The following COLEC12 variants were observed in gnomAD, a reference collection of about 807,000 sequenced individuals.
The protein encoded by COLEC12 is collectin subfamily member 12.
A neutral mutation model predicts 71.1 loss-of-function variants in COLEC12; 33 were observed. The observed-to-expected ratio is 0.46, with a 90% CI of 0.35 to 0.62. The LOEUF is 0.62. COLEC12 is among the 20% of genes least tolerant of loss of function. The pLI, the probability that COLEC12 is intolerant of heterozygous loss-of-function variation, is 0.00. For synonymous variants in COLEC12, 350 were observed against 353.0 expected (o/e 0.99, Z 0.10); for missense variants, 765 against 916.1 (o/e 0.84, Z 2.13).
chr18:442,001 C>A (rs74460894), intron 2 of COLEC12, among the ~76,000 whole-genome samples: 1,254 of 68,488 alleles, frequency 0.018, 5 homozygotes, highest in Middle Eastern at 0.032. Flanking sequence ...CTCTCTCTCT[C>A]TACACACACA....
chr18:469,827 A>G (rs1454770236), intron 2 of COLEC12, among the ~76,000 whole-genome samples: 1 of 152,170 alleles, frequency 6.6e-6, no homozygotes, highest in East Asian at 1.9e-4. Flanking sequence ...ATGAGGCCTC[A>G]CTGCCAGCAT....
rs747466763 is a variant in COLEC12, at chr18:469,692, G to GT, written c.58+11014dup. Among the ~76,000 whole-genome samples, 9 of 152,190 alleles carry GT rather than the reference G, an allele frequency of 5.9e-5. No individual in the cohort carries two copies. In the East Asian group the frequency reaches 9.7e-4, roughly 16 times the overall value. On this transcript the variant is annotated intron_variant, in intron 2 of 9. Coordinates refer to ENST00000400256, the MANE Select transcript of COLEC12 (RefSeq NM_130386.3). ...TCCCCCGCCCCCAACTGTTTTACTG[G>GT]TTTTTTACTCACACCTGCAGAATTT...
intron 2 of COLEC12, among the ~76,000 whole-genome samples, chr18:429,045 GTGAGAC>G (rs1001147137): frequency 2.0e-5 from 3 of 152,178 alleles, no homozygotes; most frequent in African/African-American, 7.2e-5. Context: ...TAACACACAA[GTGAGAC>G]TTTTAATTCT....
chr18:331,109 G>A (rs868337220), intron 8 of COLEC12, among the ~76,000 whole-genome samples: 1 of 151,924 alleles, frequency 6.6e-6, no homozygotes, highest in Non-Finnish European at 1.5e-5. Context: ...GGCTGGTCTC[G>A]AACTCCAGAC....
At position 334,777 on chromosome 18, in the gene COLEC12, A is replaced by G. The variant is rs757026863; in HGVS notation, c.1781T>C (p.Leu594Pro). 2 of 1,481,226 alleles carry G rather than the reference A, an allele frequency of 1.4e-6. No individual in the cohort carries two copies. Among genetic ancestry groups the G allele is most frequent in the East Asian group, 2.6e-5 (1 of 38,982 alleles). The allele number at this position is 1,481,226 out of a possible 1,614,324, so 91.8% of individuals were successfully genotyped here. A position where few individuals can be genotyped will look rare whatever the true frequency, so the allele number is the denominator to read the frequency against. Residue 594 changes from leucine (L) to proline (P), a missense_variant, in exon 6 of 10, where the codon CTG (leucine) becomes CCG (proline). Leu to Pro is a moderately conservative substitution (Grantham distance 98, BLOSUM62 -3). Coordinates refer to ENST00000400256, the MANE Select transcript of COLEC12 (RefSeq NM_130386.3). ...CGGTGCTGGGGTTGGCTCATTCTGC[A>G]GGGCCAGGGGCACCACCGCTCCTGA... ...GPSGAVVPLALQNEPTPAPED... is the reference protein window; with the variant it reads ...GPSGAVVPLAPQNEPTPAPED...
chr18:369,390 T>A (rs1257323024), intron 2 of COLEC12, among the ~76,000 whole-genome samples: 4 of 144,678 alleles, frequency 2.8e-5, no homozygotes, highest in South Asian at 4.4e-4. Context: ...CAGATCTTTT[T>A]TTTTTTATTT....
intron 2 of COLEC12, among the ~76,000 whole-genome samples, chr18:363,400 A>G (rs1914790136): frequency 6.6e-6 from 1 of 152,196 alleles, no homozygotes; most frequent in African/African-American, 2.4e-5. Flanking sequence ...CATGATCACA[A>G]GTGTCTATAG....
intron 2 of COLEC12, among the ~76,000 whole-genome samples, chr18:441,474 C>T (rs191670611): frequency 5.3e-5 from 8 of 152,114 alleles, no homozygotes; most frequent in South Asian, 2.1e-4. Context: ...CATAATGGTG[C>T]GCAACGCAGA....
intron 2 of COLEC12, among the ~76,000 whole-genome samples, chr18:433,544 GC>G (rs1916345903): frequency 6.6e-6 from 1 of 152,078 alleles, no homozygotes; most frequent in Non-Finnish European, 1.5e-5. Context: ...TCCCCAGGAG[GC>G]CCTGACATCA....
At chr18:440,703 G>A (rs1329442469) in intron 2 of COLEC12, among the ~76,000 whole-genome samples, 1 of 152,098 alleles carries the variant, frequency 6.6e-6, no homozygotes, top group Non-Finnish European at 1.5e-5. Flanking sequence ...GATTCAGAGG[G>A]CCAACTGCAA....
At chr18:321,630 C>A in intron 9 of COLEC12, 32 bp downstream of exon 9, 1 of 1,613,144 alleles carries the variant, frequency 6.2e-7, no homozygotes, top group East Asian at 2.2e-5. Context: ...CATAAGCTGG[C>A]AGCTCCCTCT....
chr18:494,755 G>A (rs950512380), intron 1 of COLEC12, among the ~76,000 whole-genome samples: 1 of 152,108 alleles, frequency 6.6e-6, no homozygotes, highest in Non-Finnish European at 1.5e-5. Context: ...AAAATGACTG[G>A]GGCAAAAGAA....
chr18:370,580 C>G (rs189456961), intron 2 of COLEC12, among the ~76,000 whole-genome samples: 1 of 152,320 alleles, frequency 6.6e-6, no homozygotes, highest in Admixed American at 6.5e-5. Flanking sequence ...TACATAAACT[C>G]CCAGTACACT....
rs892600885 is a variant in COLEC12, at chr18:327,842, T to G, written c.2063+3826A>C. Among the ~76,000 whole-genome samples the G allele has an allele frequency of 6.6e-6, 1 of 152,244 alleles. No individual in the cohort carries two copies. The highest frequency in any genetic ancestry group is 2.4e-5 in the African/African-American group (1 of 41,472). On this transcript the variant is annotated intron_variant, in intron 8 of 9. Coordinates refer to ENST00000400256, the MANE Select transcript of COLEC12 (RefSeq NM_130386.3). The surrounding 1 kb of genome is among the most constrained non-coding windows in gnomAD (Gnocchi z 4.0). ...GCCAGGCCCATCGGCTTCTATTTTT[T>G]GGAAGAGTTTAAGAAGAACTGGTGC...
At chr18:369,927 C>T (rs557257285) in intron 2 of COLEC12, among the ~76,000 whole-genome samples, 3 of 152,128 alleles carry the variant, frequency 2.0e-5, no homozygotes, top group South Asian at 2.1e-4. Context: ...GAATCACCAC[C>T]GAGGAAAGGA....
At chr18:459,696 T>C (rs1598371583) in intron 2 of COLEC12, among the ~76,000 whole-genome samples, 3 of 152,158 alleles carry the variant, frequency 2.0e-5, no homozygotes, top group Admixed American at 2.0e-4. Flanking sequence ...GAAGCTTCAA[T>C]GGTGGAAGCA....
At chr18:413,240 T>C (rs999980886) in intron 2 of COLEC12, among the ~76,000 whole-genome samples, 2 of 152,092 alleles carry the variant, frequency 1.3e-5, no homozygotes, top group Non-Finnish European at 2.9e-5. Flanking sequence ...AATAAACACA[T>C]AGAAAGATAT....
intron 8 of COLEC12, among the ~76,000 whole-genome samples, chr18:324,157 C>T (rs775636006): frequency 1.3e-5 from 2 of 152,170 alleles, no homozygotes; most frequent in Non-Finnish European, 2.9e-5. Flanking sequence ...CAAAGCATCT[C>T]TTTGGCAAAG....
At chr18:352,992 G>T (rs1007485057) in intron 3 of COLEC12, among the ~76,000 whole-genome samples, 1 of 152,194 alleles carries the variant, frequency 6.6e-6, no homozygotes, top group Non-Finnish European at 1.5e-5. Flanking sequence ...GAATATTGGT[G>T]TTTCAGGTAT....
Sources: allele counts gnomAD v4.1 joint callset (sites outside exome capture counted in the v4.1 genomes callset), GRCh38; gene constraint gnomAD v4.1.1; non-coding constraint Gnocchi (gnomAD v3.1); transcripts MANE v1.5; gene names NCBI Gene and HGNC (gene_info 2026-07-23, HGNC 2026-07-21).